Variants in USP6 observed in about 807,000 individuals in gnomAD.
USP6 encodes the protein ubiquitin carboxyl-terminal hydrolase 6.
A neutral mutation model predicts 175.7 loss-of-function variants in USP6; 128 were observed. The observed-to-expected ratio is 0.73, with a 90% CI of 0.63 to 0.84. USP6 has a LOEUF of 0.84. Among genes scored for constraint, USP6 ranks in the 40% least tolerant of loss-of-function variants. The pLI, the probability that USP6 is intolerant of heterozygous loss-of-function variation, is 0.00. For synonymous variants in USP6, 562 were observed against 630.6 expected (o/e 0.89, Z 1.63); for missense variants, 1,498 against 1,760.3 (o/e 0.85, Z 2.67).
At chr17:5,165,890 G>A (rs957275729) in intron 33 of USP6, among the ~76,000 whole-genome samples, 5 of 152,152 alleles carry the variant, frequency 3.3e-5, no homozygotes, top group African/African-American at 1.2e-4. Flanking sequence ...TTGTTTATCA[G>A]CCATCTTTCC....
In USP6 at chr17:5,132,304, G is replaced by A. The variant is rs781163213; in HGVS notation, c.156-92G>A. 1.6e-5 allele frequency: 26 copies of A among 1,611,116 alleles called. No homozygotes were observed. Among genetic ancestry groups the A allele is most frequent in the Non-Finnish European group, 2.2e-5 (26 of 1,179,198 alleles). ...CGGGCTGAGCCCTGAGCTGGATAGG[G>A]ACAGAGCCAGTCCTTTCTGGGGGTC... On this transcript the variant is annotated intron_variant, in intron 11 of 37. Transcript: ENST00000574788. The surrounding 1 kb of genome is among the most constrained non-coding windows in gnomAD (Gnocchi z 4.7).
In USP6 at chr17:5,137,751, G is replaced by A; in HGVS notation, c.925+1G>A. 6.2e-7 allele frequency: 1 copy of A among 1,607,758 alleles called. No individual in the cohort carries two copies. The highest frequency in any genetic ancestry group is 1.1e-5 in the South Asian group (1 of 91,044). On this transcript the variant is annotated splice_donor_variant, in intron 20 of 37. Coordinates refer to ENST00000574788, the MANE Select transcript of USP6 (RefSeq NM_001304284.2). LOFTEE classifies it high-confidence loss of function. ...AGCATTGCTCTTAAGGTTCAGCAGA[G>A]TAAGTCTACGTGTGCCCAGTGGGGC...
At chr17:5,160,901 CT>C (rs2073992600) in intron 31 of USP6, among the ~76,000 whole-genome samples, 1 of 152,168 alleles carries the variant, frequency 6.6e-6, no homozygotes, top group Non-Finnish European at 1.5e-5. Flanking sequence ...TGTTTCCTGA[CT>C]TTTTAATGAT....
At chr17:5,138,047 T>G in intron 20 of USP6, 74 bp from the exon 21 acceptor site, 1 of 1,611,174 alleles carries the variant, frequency 6.2e-7, no homozygotes, top group South Asian at 1.1e-5. Flanking sequence ...AGTGGGAGAC[T>G]GAAGTGGCCA....
intron 30 of USP6, among the ~76,000 whole-genome samples, chr17:5,150,295 AAAAT>A (rs201171351): frequency 0.17 from 23,290 of 138,678 alleles, 1,996 homozygotes; most frequent in Middle Eastern, 0.23. Context: ...TCCGTCTAAA[AAAAT>A]AAATAAATAA....
rs749526173 is a variant in USP6, at chr17:5,139,259, A to G, written c.1083A>G (p.Lys361=). Reference sequence around the variant, plus strand: ...CCACGTCTGTTTTCCTTTCAGCCAAACGCGAGCAAGGGTCCTTGGCACCCA... The same window carrying G: ...CCACGTCTGTTTTCCTTTCAGCCAAGCGCGAGCAAGGGTCCTTGGCACCCA... ...RKQGDLPPPA[K]REQGSLAPRP... The change falls in exon 22 of 38, where the codon AAA becomes AAG. Residue 361 remains lysine, a synonymous_variant. Coordinates refer to ENST00000574788, the MANE Select transcript of USP6 (RefSeq NM_001304284.2). 14 of 1,601,306 alleles carry G rather than the reference A, an allele frequency of 8.7e-6. No individual in the cohort carries two copies. The Admixed American group carries it at 1.7e-4, about 19-fold the overall frequency.
intron 20 of USP6, 45 bp from the exon 21 acceptor site, chr17:5,138,076 C>G: frequency 1.2e-6 from 2 of 1,613,576 alleles, no homozygotes; most frequent in Non-Finnish European, 1.7e-6. Context: ...GAGCTGTGAC[C>G]ATTCCCAGGG....
chr17:5,139,462 C>T lies in USP6; in HGVS notation c.1286C>T (p.Thr429Ile). ...CGGGAAGACACGTACCCTGTGGGCA[C>T]TCAGGGTGTGCCCAGCCTGGCCCTG... is the stretch of plus-strand genomic sequence containing the variant. The part of the protein sequence containing the change: ...AVREDTYPVG[T>I]QGVPSLALAQ... The change falls in exon 22 of 38, where the codon ACT becomes ATT. Residue 429 changes from threonine to isoleucine, a missense_variant. By Grantham distance (89) the Thr-to-Ile change is moderately conservative. Transcript: ENST00000574788. The T allele has an allele frequency of 6.2e-7, 1 of 1,613,262 alleles. No individual in the cohort carries two copies.
In USP6 at chr17:5,124,765, A is replaced by C. The variant is rs1009330722; in HGVS notation, c.-1099A>C. On this transcript the variant is annotated 5_prime_UTR_variant, in exon 5 of 38. Transcript: ENST00000574788. ...TACTGTAAAACAGCCCTGGGAAACT[A>C]ACGCAGCCTGTTAGCCCACAGATGG... 4 of 152,226 alleles carry C rather than the reference A, an allele frequency of 2.6e-5. No homozygotes were observed. The highest frequency in any genetic ancestry group is 9.7e-5 in the African/African-American group (4 of 41,444). 9.4% of individuals were successfully genotyped at this position (152,226 alleles called of 1,614,324 possible). A position where few individuals can be genotyped will look rare whatever the true frequency, so the allele number is the denominator to read the frequency against.
intron 35 of USP6, among the ~76,000 whole-genome samples, chr17:5,169,365 T>C (rs2074164118): frequency 6.6e-6 from 1 of 152,160 alleles, no homozygotes; most frequent in South Asian, 2.1e-4. Flanking sequence ...TGTCCCCTTA[T>C]AGTGAAAGTT....
At chr17:5,124,202 C>T (rs188762329) in intron 4 of USP6, among the ~76,000 whole-genome samples, 1 of 152,338 alleles carries the variant, frequency 6.6e-6, no homozygotes, top group African/African-American at 2.4e-5. Context: ...CAGTCCCTCA[C>T]TTGGTCAGTG....
chr17:5,162,464 T>A (rs2074023246), intron 32 of USP6, among the ~76,000 whole-genome samples: 1 of 152,194 alleles, frequency 6.6e-6, no homozygotes, highest in Admixed American at 6.5e-5. Flanking sequence ...AACTTTTATA[T>A]GCATTTATTT....
At chr17:5,150,528 T>C (rs1177913064) in intron 30 of USP6, among the ~76,000 whole-genome samples, 1 of 149,070 alleles carries the variant, frequency 6.7e-6, no homozygotes, top group Non-Finnish European at 1.5e-5. Flanking sequence ...AGAGTCTCGC[T>C]CTGTCACCCA....
Position 5,139,486 on chromosome 17 carries a change from TG to T in USP6, c.1312del (p.Ala438LeufsTer26). The T allele has an allele frequency of 1.2e-6, 2 of 1,613,528 alleles. No homozygotes were observed. Among genetic ancestry groups the T allele is most frequent in the South Asian group, 1.1e-5 (1 of 91,060 alleles). ...ACTCAGGGTGTGCCCAGCCTGGCCC[TG>T]GCTCAGGGAGGACCTCAGGGTTCCT... ...VGTQGVPSLALAQGGPQGSWR... is the reference protein window; with the variant it reads ...VGTQGVPSLAXAQGGPQGSWR... On this transcript the variant is annotated frameshift_variant, in exon 22 of 38. Transcript: ENST00000574788. LOFTEE classifies it high-confidence loss of function.
chr17:5,161,810 G>A (rs1158186606), intron 32 of USP6, among the ~76,000 whole-genome samples, 196 bp downstream of exon 32: 1 of 152,228 alleles, frequency 6.6e-6, no homozygotes, highest in South Asian at 2.1e-4. Context: ...GAGATCAGGA[G>A]TTTGAGACCA....
rs139242476 is a variant in USP6 at position 5,117,034 on chromosome 17, G to C, written c.-1928+294G>C. Among the ~76,000 whole-genome samples, 256 of 152,360 alleles carry C rather than the reference G, an allele frequency of 1.7e-3. 1 individual carries two copies. The highest frequency in any genetic ancestry group is 6.0e-3 in the African/African-American group (251 of 41,580). On this transcript the variant is annotated intron_variant, in intron 1 of 37. Coordinates refer to ENST00000574788, the MANE Select transcript of USP6 (RefSeq NM_001304284.2). ...AGGAAGGAAAGGTAAGTACTTTGCA[G>C]AAAGCCTTCCCCAGCTAGGTGAGAC... is the stretch of plus-strand genomic sequence containing the variant.
At position 5,174,363 on chromosome 17, in the gene USP6, C is replaced by T. The variant is rs2074283295; in HGVS notation, c.*1385C>T. 1 of 190,740 alleles carries T rather than the reference C, an allele frequency of 5.2e-6. No homozygotes were observed. The highest frequency in any genetic ancestry group is 1.1e-5 in the Non-Finnish European group (1 of 90,878). 11.8% of individuals were successfully genotyped at this position (190,740 alleles called of 1,614,324 possible). A position where few individuals can be genotyped will look rare whatever the true frequency, so the allele number is the denominator to read the frequency against. The stretch of plus-strand genomic sequence containing the variant: ...TTGCCAGATTCCATTACCCTTTCTT[C>T]CTCATAGGTAGTAATTACCAATGTA... On this transcript the variant is annotated 3_prime_UTR_variant, in exon 38 of 38. Coordinates refer to ENST00000574788, the MANE Select transcript of USP6 (RefSeq NM_001304284.2).
At position 5,142,973 on chromosome 17, in the gene USP6, T is replaced by C. The variant is rs1478912907; in HGVS notation, c.1818+471T>C. ...TGGGAGGCCGAGGTGGGTGGATCACTTGAAGCCAGGAATTCAAGACCAGCT... is the reference window on the plus strand; with the variant it reads ...TGGGAGGCCGAGGTGGGTGGATCACCTGAAGCCAGGAATTCAAGACCAGCT... On this transcript the variant is annotated intron_variant, in intron 25 of 37. Transcript: ENST00000574788. Among the ~76,000 whole-genome samples the C allele has an allele frequency of 2.6e-5, 4 of 152,332 alleles. No homozygotes were observed. The South Asian group carries it at 6.2e-4, about 24-fold the overall frequency.
At chr17:5,140,003 A>G (rs543100120) in intron 22 of USP6, among the ~76,000 whole-genome samples, 222 of 152,178 alleles carry the variant, frequency 1.5e-3, no homozygotes, top group Non-Finnish European at 2.7e-3. Flanking sequence ...ACATGCACAG[A>G]TGGAACACAC....
Sources: allele counts gnomAD v4.1 joint callset (sites outside exome capture counted in the v4.1 genomes callset), GRCh38; gene constraint gnomAD v4.1.1; non-coding constraint Gnocchi (gnomAD v3.1); transcripts MANE v1.5; gene names NCBI Gene and HGNC (gene_info 2026-07-23, HGNC 2026-07-21).